The following ZBTB20 variants were observed in gnomAD, a reference collection of about 807,000 sequenced individuals.
ZBTB20 encodes the protein zinc finger and BTB domain-containing protein 20.
ZBTB20 carries 9 observed loss-of-function variants against 56.9 expected under a neutral mutation model. The ratio of observed to expected loss-of-function variants is 0.16; its 90% CI spans 0.10 to 0.28. The LOEUF is 0.28. ZBTB20 is among the 10% of genes least tolerant of loss of function. The pLI is 1.00. For missense variants in ZBTB20, 655 were observed against 1,003.0 expected (o/e 0.65, Z 4.69); for synonymous variants, 417 against 420.7 (o/e 0.99, Z 0.11).
intron 7 of ZBTB20, among the ~76,000 whole-genome samples, chr3:114,423,323 A>C (rs1182178062): frequency 2.0e-5 from 3 of 152,214 alleles, no homozygotes; most frequent in Non-Finnish European, 4.4e-5. Context: ...CAGCTCTCAT[A>C]GACTTAACTA....
intron 7 of ZBTB20, among the ~76,000 whole-genome samples, chr3:114,411,459 C>G (rs2108769576): frequency 6.6e-6 from 1 of 152,266 alleles, no homozygotes; most frequent in South Asian, 2.1e-4. Context: ...AAATTACAGG[C>G]TCAGTAAAAA....
chr3:114,570,416 TATG>T, intron 6 of ZBTB20, among the ~76,000 whole-genome samples: 1 of 150,674 alleles, frequency 6.6e-6, no homozygotes, highest in Non-Finnish European at 1.5e-5. Flanking sequence ...TATAATACAA[TATG>T]ATATATTATA....
At chr3:114,492,036 T>A (rs1453320644) in intron 7 of ZBTB20, among the ~76,000 whole-genome samples, 2 of 152,304 alleles carry the variant, frequency 1.3e-5, no homozygotes, top group Non-Finnish European at 1.5e-5. Flanking sequence ...TCTCTTGGCT[T>A]CTGTGCCTAT....
At chr3:114,915,624 T>C (rs1342009230) in intron 3 of ZBTB20, among the ~76,000 whole-genome samples, 1 of 151,972 alleles carries the variant, frequency 6.6e-6, no homozygotes, top group African/African-American at 2.4e-5. Flanking sequence ...ATTCTACCGA[T>C]TTTGGGTTTG....
rs550582958 is a variant in ZBTB20 at position 114,887,692 on chromosome 3, A to G, written c.-417+12612T>C. Reference sequence around the variant, plus strand: ...TGGCCCTGCTGCATTTTGATTTCTGATTTCTAGCCTCCAGAACTGTGAGAG... The same window carrying G: ...TGGCCCTGCTGCATTTTGATTTCTGGTTTCTAGCCTCCAGAACTGTGAGAG... On this transcript the variant is annotated intron_variant, in intron 4 of 11. Coordinates refer to ENST00000675478, the MANE Select transcript of ZBTB20 (RefSeq NM_001348800.3). 3.3e-5 allele frequency among the ~76,000 whole-genome samples: 5 copies of G among 152,244 alleles called. No homozygotes were observed. In the South Asian group the frequency reaches 1.0e-3, roughly 32 times the overall value.
intron 8 of ZBTB20, chr3:114,387,166 G>A (rs574228827): frequency 1.4e-5 from 2 of 147,222 alleles, no homozygotes; most frequent in East Asian, 2.0e-4. Context: ...TGGGGGGGGT[G>A]GGTAGGTATT....
chr3:114,645,742 T>C (rs2107953277), intron 6 of ZBTB20, among the ~76,000 whole-genome samples: 1 of 152,334 alleles, frequency 6.6e-6, no homozygotes, highest in South Asian at 2.1e-4. Flanking sequence ...ATTAATTTTA[T>C]CAATTAAATG....
chr3:114,652,818 C>T (rs1314272794), intron 6 of ZBTB20, among the ~76,000 whole-genome samples: 5 of 151,864 alleles, frequency 3.3e-5, no homozygotes, highest in Admixed American at 2.0e-4. Context: ...CTATAAATAA[C>T]GGATTTTTCT....
At chr3:114,886,870 A>G (rs2076621265) in intron 4 of ZBTB20, among the ~76,000 whole-genome samples, 1 of 152,252 alleles carries the variant, frequency 6.6e-6, no homozygotes, top group African/African-American at 2.4e-5. Flanking sequence ...TTAACATGTT[A>G]GCATATGTCT....
chr3:114,995,318 T>C (rs2078980372), intron 2 of ZBTB20, among the ~76,000 whole-genome samples: 1 of 151,888 alleles, frequency 6.6e-6, no homozygotes, highest in Non-Finnish European at 1.5e-5. Flanking sequence ...TTTCGTGCCT[T>C]ATTATACTTT....
At chr3:114,978,040 G>T (rs2078176304) in intron 2 of ZBTB20, among the ~76,000 whole-genome samples, 3 of 147,760 alleles carry the variant, frequency 2.0e-5, no homozygotes, top group Non-Finnish European at 4.5e-5. Context: ...GTGTAAGGCA[G>T]AAAACATCTT....
chr3:114,855,619 G>A (rs543501429), intron 4 of ZBTB20, among the ~76,000 whole-genome samples: 4 of 152,284 alleles, frequency 2.6e-5, no homozygotes, highest in South Asian at 2.1e-4. Flanking sequence ...GATAAAATTC[G>A]TGGTGGGTGA....
chr3:114,727,891 A>C (rs1300774194), intron 5 of ZBTB20, among the ~76,000 whole-genome samples: 1 of 152,190 alleles, frequency 6.6e-6, no homozygotes, highest in Non-Finnish European at 1.5e-5. Context: ...AATGATAGTA[A>C]GCACCATGGG....
At chr3:114,643,239 A>C (rs1391980045) in intron 6 of ZBTB20, among the ~76,000 whole-genome samples, 2 of 152,126 alleles carry the variant, frequency 1.3e-5, no homozygotes, top group Non-Finnish European at 2.9e-5. Flanking sequence ...TTACTCCTTC[A>C]TGAGTGTTCC....
chr3:114,960,640 A>C (rs2077413279), intron 3 of ZBTB20, among the ~76,000 whole-genome samples: 1 of 152,222 alleles, frequency 6.6e-6, no homozygotes, highest in African/African-American at 2.4e-5. Flanking sequence ...GTGGCCTTTA[A>C]AATATGGTCC....
chr3:114,676,889 C>T (rs747460504), intron 6 of ZBTB20, among the ~76,000 whole-genome samples: 53 of 152,070 alleles, frequency 3.5e-4, no homozygotes, highest in Admixed American at 3.9e-4. Context: ...ATTCTCCTGC[C>T]TCAGCCTCCT....
intron 6 of ZBTB20, among the ~76,000 whole-genome samples, chr3:114,659,497 T>A (rs2060599318): frequency 6.6e-6 from 1 of 152,176 alleles, no homozygotes; most frequent in South Asian, 2.1e-4. Context: ...AGAGTCACCA[T>A]TTCAAACTAA....
chr3:114,415,028 C>T (rs2088390421), intron 7 of ZBTB20, among the ~76,000 whole-genome samples: 1 of 149,546 alleles, frequency 6.7e-6, no homozygotes, highest in African/African-American at 2.4e-5. Context: ...CACAAATGTT[C>T]CCTTGGCTAG....
In ZBTB20 at chr3:114,835,326, AT is replaced by A. The variant is rs992967406; in HGVS notation, c.-416-34153del. On this transcript the variant is annotated intron_variant, in intron 4 of 11. Coordinates refer to ENST00000675478, the MANE Select transcript of ZBTB20 (RefSeq NM_001348800.3). ...CCAGGAAGAGCTTTTATAGATTTGG[AT>A]TTTTTTTTGTCATAAAGTATTCTAT... 1.3e-4 allele frequency among the ~76,000 whole-genome samples: 19 copies of A among 151,326 alleles called. No homozygotes were observed. The South Asian group carries it at 3.1e-3, about 25-fold the overall frequency.
Sources: allele counts gnomAD v4.1 joint callset (sites outside exome capture counted in the v4.1 genomes callset), GRCh38; gene constraint gnomAD v4.1.1; transcripts MANE v1.5; gene names NCBI Gene and HGNC (gene_info 2026-07-23, HGNC 2026-07-21).